Variants in SULT1C3 observed in about 807,000 individuals in gnomAD.
SULT1C3 encodes sulfotransferase family 1C member 3.
SULT1C3 carries 31 observed loss-of-function variants against 28.4 expected under a neutral mutation model. The observed-to-expected ratio is 1.09, with a 90% CI of 0.82 to 1.47. The LOEUF (loss-of-function observed/expected upper bound fraction) is 1.47. Among genes scored for constraint, SULT1C3 ranks in the 40% most tolerant of loss-of-function variants. SULT1C3 has a pLI of 0.00. For missense variants in SULT1C3, 307 were observed against 272.5 expected (o/e 1.13, Z -0.89); for synonymous variants, 106 against 92.2 (o/e 1.15, Z -0.86).
intron 6 of SULT1C3, 51 bp from the exon 7 acceptor site, chr2:108,258,915 A>T: frequency 9.7e-7 from 1 of 1,036,110 alleles, no homozygotes; most frequent in Non-Finnish European, 1.4e-6. Flanking sequence ...TAATTGGCCA[A>T]GTTCTTCTTC....
chr2:108,244,049 C>T (rs1675527319), intron 1 of SULT1C3, among the ~76,000 whole-genome samples: 1 of 152,232 alleles, frequency 6.6e-6, no homozygotes, highest in Non-Finnish European at 1.5e-5. Flanking sequence ...GGGCCTGCAT[C>T]CTAACCTAAG....
At chr2:108,254,839 G>A (rs1254629670) in intron 4 of SULT1C3, among the ~76,000 whole-genome samples, 1 of 135,242 alleles carries the variant, frequency 7.4e-6, no homozygotes, top group African/African-American at 3.1e-5. Context: ...ACATATATAT[G>A]TGTGTATATA....
intron 1 of SULT1C3, among the ~76,000 whole-genome samples, chr2:108,246,717 A>G (rs1447045643): frequency 1.3e-5 from 2 of 152,248 alleles, no homozygotes; most frequent in Non-Finnish European, 2.9e-5. Context: ...AAAATTGAGT[A>G]TAGAATGCTC....
intron 3 of SULT1C3, 105 bp downstream of exon 3, chr2:108,252,598 C>A: frequency 7.4e-7 from 1 of 1,342,858 alleles, no homozygotes; most frequent in Non-Finnish European, 1.0e-6. Flanking sequence ...TAGCCTGTAT[C>A]TTTCATGAGG....
chr2:108,262,812 G>A (rs1676052596), downstream of SULT1C3, among the ~76,000 whole-genome samples: 1 of 152,098 alleles, frequency 6.6e-6, no homozygotes, highest in Admixed American at 6.6e-5. Flanking sequence ...GCTATTTCCT[G>A]TGGCCCAATA....
intron 7 of SULT1C3, among the ~76,000 whole-genome samples, chr2:108,259,724 G>C (rs1675972029): frequency 1.3e-5 from 2 of 152,012 alleles, no homozygotes; most frequent in Non-Finnish European, 2.9e-5. Flanking sequence ...CTCAGTAATG[G>C]CCTGTTGTGT....
At chr2:108,244,943 C>T (rs553406926) in intron 1 of SULT1C3, among the ~76,000 whole-genome samples, 30 of 152,260 alleles carry the variant, frequency 2.0e-4, no homozygotes, top group African/African-American at 7.0e-4. Flanking sequence ...TTCAAAGTTT[C>T]AAGGATGAAG....
chr2:108,254,878 A>G (rs1168050612), intron 4 of SULT1C3, among the ~76,000 whole-genome samples: 1 of 151,406 alleles, frequency 6.6e-6, no homozygotes, highest in Non-Finnish European at 1.5e-5. Context: ...ATCTTTGAGA[A>G]CCATTGTCTG....
At chr2:108,244,790 C>A (rs139950718) in intron 1 of SULT1C3, among the ~76,000 whole-genome samples, 2,429 of 152,240 alleles carry the variant, frequency 0.016, 21 homozygotes, top group South Asian at 0.047. Context: ...TTTCCCAGGA[C>A]CTTGCTTTTC....
At chr2:108,258,032 C>T (rs1489439907) in intron 5 of SULT1C3, among the ~76,000 whole-genome samples, 1 of 152,068 alleles carries the variant, frequency 6.6e-6, no homozygotes, top group Non-Finnish European at 1.5e-5. Flanking sequence ...AGAATGTTTT[C>T]CATCATCCTT....
rs1011964592 is a variant in SULT1C3, at chr2:108,255,757, T to G, written c.526+59T>G. On this transcript the variant is annotated intron_variant, in intron 5 of 7. Transcript: ENST00000681802. ...TCAGGTGACTCTAACAATAAGCACC[T>G]CTGTAAACTGGAGGAGAAAGTTACA... is the stretch of plus-strand genomic sequence containing the variant. The G allele has an allele frequency of 1.8e-5, 28 of 1,557,770 alleles. No homozygotes were observed. The Admixed American group carries it at 5.0e-4, about 28-fold the overall frequency.
At chr2:108,255,812 C>G in intron 5 of SULT1C3, 114 bp downstream of exon 5, 1 of 1,309,388 alleles carries the variant, frequency 7.6e-7, no homozygotes. Flanking sequence ...GAGGTCCTAT[C>G]TTGATGATCT....
chr2:108,243,290 T>C (rs1675505366), intron 1 of SULT1C3, among the ~76,000 whole-genome samples: 1 of 152,068 alleles, frequency 6.6e-6, no homozygotes, highest in Admixed American at 6.5e-5. Context: ...AGGAACCTGG[T>C]TTACAGTTTA....
chr2:108,243,234 G>A (rs566912817), intron 1 of SULT1C3, among the ~76,000 whole-genome samples: 30 of 152,240 alleles, frequency 2.0e-4, no homozygotes, highest in East Asian at 1.2e-3. Context: ...TCCAGCGCCC[G>A]AGCTGTCCTT....
chr2:108,240,273 G>T (rs919274626), intron 1 of SULT1C3, among the ~76,000 whole-genome samples, 190 bp downstream of exon 1: 1 of 152,180 alleles, frequency 6.6e-6, no homozygotes, highest in Non-Finnish European at 1.5e-5. Flanking sequence ...ATGGTATTGG[G>T]TCCTGAGGTA....
chr2:108,252,314 G>T, intron 2 of SULT1C3, 51 bp from the exon 3 acceptor site: 1 of 1,529,710 alleles, frequency 6.5e-7, no homozygotes, highest in Non-Finnish European at 8.9e-7. Flanking sequence ...CAATAACTTA[G>T]AATGAAAGTT....
chr2:108,256,747 C>G (rs923918910), intron 5 of SULT1C3, among the ~76,000 whole-genome samples: 5 of 152,006 alleles, frequency 3.3e-5, no homozygotes, highest in African/African-American at 1.2e-4. Context: ...AAACAGATAT[C>G]TGTGGAAAAG....
intron 5 of SULT1C3, among the ~76,000 whole-genome samples, chr2:108,256,506 G>T (rs1000966758): frequency 4.6e-5 from 7 of 152,006 alleles, no homozygotes; most frequent in African/African-American, 1.7e-4. Context: ...AACATTACAT[G>T]GTGTCTCCAC....
rs535588822 is a variant in SULT1C3 at position 108,245,537 on chromosome 2, G to A, written c.-7-1651G>A. 2.4e-4 allele frequency among the ~76,000 whole-genome samples: 37 copies of A among 152,252 alleles called. No homozygotes were observed. The South Asian group carries it at 6.2e-3, about 26-fold the overall frequency. Reference sequence around the variant, plus strand: ...CTTAAAGGAACACGGGAATTGAATGGCCATTTTCTGGCCAATGGGACAATC... The same window carrying A: ...CTTAAAGGAACACGGGAATTGAATGACCATTTTCTGGCCAATGGGACAATC... On this transcript the variant is annotated intron_variant, in intron 1 of 7. Coordinates refer to ENST00000681802, the MANE Select transcript of SULT1C3 (RefSeq NM_001320878.2).
Sources: allele counts gnomAD v4.1 joint callset (sites outside exome capture counted in the v4.1 genomes callset), GRCh38; gene constraint gnomAD v4.1.1; transcripts MANE v1.5; gene names NCBI Gene and HGNC (gene_info 2026-07-23, HGNC 2026-07-21).